Variants in EML6 observed in about 807,000 individuals in gnomAD.
EML6 encodes echinoderm microtubule-associated protein-like 6.
EML6 carries 154 observed loss-of-function variants against 240.1 expected under a neutral mutation model. The ratio of observed to expected loss-of-function variants is 0.64; its 90% CI spans 0.56 to 0.73. The LOEUF (loss-of-function observed/expected upper bound fraction) is 0.73. Among genes scored for constraint, EML6 ranks in the 30% least tolerant of loss-of-function variants. The pLI is 0.00. For synonymous variants in EML6, 1,148 were observed against 899.0 expected (o/e 1.28, Z -4.95); for missense variants, 2,964 against 2,474.6 (o/e 1.20, Z -4.20).
At chr2:54,754,599 C>G (rs1446420313) in intron 2 of EML6, among the ~76,000 whole-genome samples, 3 of 152,090 alleles carry the variant, frequency 2.0e-5, no homozygotes, top group African/African-American at 7.2e-5. Context: ...TTTGTCAATT[C>G]TATATTTCAA....
chr2:54,745,523 T>C (rs1558521532), intron 2 of EML6, among the ~76,000 whole-genome samples: 1 of 152,118 alleles, frequency 6.6e-6, no homozygotes, highest in Non-Finnish European at 1.5e-5. Context: ...ATATCTGTAA[T>C]CTCAGCACTT....
intron 31 of EML6, 142 bp from the exon 32 acceptor site, chr2:54,953,841 G>A: frequency 3.1e-6 from 2 of 638,922 alleles, no homozygotes; most frequent in Non-Finnish European, 5.2e-6. Context: ...GAGCTGAGCT[G>A]GTGCCACTGC....
At chr2:54,866,690 C>A in intron 13 of EML6, 76 bp from the exon 14 acceptor site, 2 of 712,682 alleles carry the variant, frequency 2.8e-6, no homozygotes, top group Non-Finnish European at 4.6e-6. Flanking sequence ...AAAGATTTTA[C>A]AAGAATGTCA....
intron 2 of EML6, among the ~76,000 whole-genome samples, chr2:54,738,269 A>C (rs184077223): frequency 4.7e-4 from 71 of 152,324 alleles, no homozygotes; most frequent in Admixed American, 2.8e-3. Context: ...TGAACAAATG[A>C]AAGACTTGTG....
At chr2:54,930,952 T>C (rs1674821981) in intron 28 of EML6, among the ~76,000 whole-genome samples, 1 of 117,672 alleles carries the variant, frequency 8.5e-6, no homozygotes, top group Non-Finnish European at 1.8e-5. Context: ...ACCGTAGGCA[T>C]CTTTTTTTTT....
At position 54,863,878 on chromosome 2, in the gene EML6, T is replaced by C. The variant is rs761238495; in HGVS notation, c.1921T>C (p.Tyr641His). The C allele has an allele frequency of 6.5e-7, 1 of 1,537,430 alleles. No homozygotes were observed. Among genetic ancestry groups the C allele is most frequent in the South Asian group, 1.2e-5 (1 of 81,748 alleles). ...SDIEQEAQIN[Y>H]DRQVYKEDLP... Reference sequence around the variant, plus strand: ...TATTGAGCAAGAAGCTCAAATCAATTATGATCGCCAGGTCGGTAAGCAGGG... The same window carrying C: ...TATTGAGCAAGAAGCTCAAATCAATCATGATCGCCAGGTCGGTAAGCAGGG... The change falls in exon 13 of 42, where the codon TAT becomes CAT. Residue 641 changes from tyrosine to histidine, a missense_variant. Coordinates refer to ENST00000356458, the MANE Select transcript of EML6 (RefSeq NM_001039753.4).
intron 11 of EML6, among the ~76,000 whole-genome samples, chr2:54,855,689 A>G (rs996854410): frequency 4.6e-5 from 7 of 152,148 alleles, no homozygotes; most frequent in Admixed American, 4.6e-4. Flanking sequence ...TCAGCAACCC[A>G]CAGACATATC....
At chr2:54,951,677 T>A (rs1675986434) in intron 30 of EML6, among the ~76,000 whole-genome samples, 1 of 150,744 alleles carries the variant, frequency 6.6e-6, no homozygotes, top group Admixed American at 6.7e-5. Flanking sequence ...AGGTTCACAT[T>A]TTGCCTTATT....
chr2:54,789,821 A>G (rs1433709668), intron 2 of EML6, among the ~76,000 whole-genome samples: 1 of 152,226 alleles, frequency 6.6e-6, no homozygotes, highest in East Asian at 1.9e-4. Context: ...ACTCCAGCAC[A>G]CATGCTGCTT....
At chr2:54,904,006 G>A (rs1673190626) in intron 24 of EML6, among the ~76,000 whole-genome samples, 1 of 152,108 alleles carries the variant, frequency 6.6e-6, no homozygotes, top group Non-Finnish European at 1.5e-5. Context: ...CCTCCTCCAA[G>A]TCATGCCCAC....
rs185378745 is a variant in EML6, at chr2:54,838,666, C to T, written c.848-5381C>T. Among the ~76,000 whole-genome samples, 242 of 152,260 alleles carry T rather than the reference C, an allele frequency of 1.6e-3. 1 individual carries two copies. Among genetic ancestry groups the T allele is most frequent in the African/African-American group, 5.6e-3 (233 of 41,556 alleles). On this transcript the variant is annotated intron_variant, in intron 7 of 41. Coordinates refer to ENST00000356458, the MANE Select transcript of EML6 (RefSeq NM_001039753.4). Reference sequence around the variant, plus strand: ...TGGTCTGAGTATAAAATCAGGGCCACGGACTGGTGAGGATTTGGTCTTGGC... The same window carrying T: ...TGGTCTGAGTATAAAATCAGGGCCATGGACTGGTGAGGATTTGGTCTTGGC...
chr2:54,831,635 C>T (rs1312020272), intron 7 of EML6, among the ~76,000 whole-genome samples: 7 of 152,256 alleles, frequency 4.6e-5, no homozygotes, highest in South Asian at 2.1e-4. Context: ...TGTGCCTGCC[C>T]TGTGGTGCCT....
chr2:54,881,412 T>G (rs1276822552), intron 17 of EML6: 1 of 152,112 alleles, frequency 6.6e-6, no homozygotes, highest in East Asian at 1.9e-4. Flanking sequence ...CCCAGCACTT[T>G]GTGAGGCTGA....
At chr2:54,801,010 A>C (rs977051037) in intron 2 of EML6, among the ~76,000 whole-genome samples, 5 of 152,176 alleles carry the variant, frequency 3.3e-5, no homozygotes, top group African/African-American at 9.6e-5. Flanking sequence ...CTGGACATTA[A>C]ATTCTGTTCT....
chr2:54,773,577 G>T (rs1668485114), intron 2 of EML6, among the ~76,000 whole-genome samples: 1 of 152,186 alleles, frequency 6.6e-6, no homozygotes, highest in Non-Finnish European at 1.5e-5. Context: ...ATGAAGTATT[G>T]GTTTCTGACA....
At chr2:54,953,464 G>T (rs1280080366) in intron 31 of EML6, among the ~76,000 whole-genome samples, 1 of 152,176 alleles carries the variant, frequency 6.6e-6, no homozygotes, top group African/African-American at 2.4e-5. Context: ...GCAAGTGTGT[G>T]TGTGTTGAAC....
intron 17 of EML6, among the ~76,000 whole-genome samples, chr2:54,883,723 T>C (rs1019812270): frequency 6.6e-6 from 1 of 152,208 alleles, no homozygotes; most frequent in African/African-American, 2.4e-5. Flanking sequence ...CATACACACA[T>C]GCACATGTGT....
intron 28 of EML6, among the ~76,000 whole-genome samples, chr2:54,936,019 G>A (rs1218909708): frequency 2.0e-5 from 3 of 152,198 alleles, no homozygotes; most frequent in Non-Finnish European, 4.4e-5. Flanking sequence ...AACAGAGCGA[G>A]ACCCTGTCCG....
intron 2 of EML6, among the ~76,000 whole-genome samples, chr2:54,781,544 C>G (rs1422432621): frequency 1.3e-5 from 2 of 152,098 alleles, no homozygotes; most frequent in East Asian, 3.8e-4. Flanking sequence ...CTAGACAGTA[C>G]TGACAAATCA....
Sources: gnomAD v4.1 joint callset for allele counts (sites outside exome capture counted in the v4.1 genomes callset) on GRCh38, gnomAD v4.1.1 for gene constraint, MANE v1.5 for transcripts, NCBI Gene and HGNC (gene_info 2026-07-23, HGNC 2026-07-21) for gene names.